TIMMDC1: variants seen among roughly 807,000 people sequenced by gnomAD.
The protein encoded by TIMMDC1 is translocase of inner mitochondrial membrane domain containing 1.
In TIMMDC1, 25 loss-of-function variants were observed where a neutral mutation model predicts 32.6. The ratio of observed to expected loss-of-function variants is 0.77; its 90% CI spans 0.56 to 1.07. The LOEUF is 1.07. Ranked by LOEUF, TIMMDC1 falls within the 50% of genes least tolerant of loss-of-function variation. TIMMDC1 has a pLI of 0.00. For missense variants in TIMMDC1, 329 were observed against 349.2 expected (o/e 0.94, Z 0.46); for synonymous variants, 130 against 127.6 (o/e 1.02, Z -0.13).
chr3:119,499,165 C>T (rs1257803432), intron 1 of TIMMDC1, among the ~76,000 whole-genome samples: 2 of 146,774 alleles, frequency 1.4e-5, no homozygotes, highest in African/African-American at 5.0e-5. Flanking sequence ...GCTATCTCGG[C>T]TCACTGCAAC....
intron 6 of TIMMDC1, among the ~76,000 whole-genome samples, chr3:119,522,831 TGTGTGA>T (rs986578302): frequency 2.8e-5 from 4 of 141,216 alleles, no homozygotes; most frequent in Non-Finnish European, 4.6e-5. Flanking sequence ...TGTGTGTGTG[TGTGTGA>T]GATATTTCTA....
chr3:119,522,103 C>T (rs35488908), intron 6 of TIMMDC1, among the ~76,000 whole-genome samples: 22,249 of 152,088 alleles, frequency 0.15, 2,040 homozygotes, highest in Non-Finnish European at 0.2. Context: ...GAGTTATCTG[C>T]GCCCCCATGC....
rs1267509552 is a variant in TIMMDC1, at chr3:119,503,963, C to T, written c.459C>T (p.Asn153=). 6.2e-7 allele frequency: 1 copy of T among 1,613,162 alleles called. No homozygotes were observed. The highest frequency in any genetic ancestry group is 1.3e-5 in the African/African-American group (1 of 74,888). ...AVFVTIFNTV[N]TSLNVYRNKD... ...CCTCCCTTTTTACCAGCACAGTGAACACTAGTCTGAATGTATACCGAAATA... is the reference window on the plus strand; with the variant it reads ...CCTCCCTTTTTACCAGCACAGTGAATACTAGTCTGAATGTATACCGAAATA... Residue 153 remains asparagine, a synonymous_variant, in exon 4 of 7, where the codon AAC becomes AAT. Transcript: ENST00000494664.
intron 4 of TIMMDC1, among the ~76,000 whole-genome samples, chr3:119,505,370 T>C (rs2081911339): frequency 1.4e-5 from 2 of 146,362 alleles, no homozygotes; most frequent in South Asian, 2.1e-4. Flanking sequence ...TTTGTTTTTG[T>C]TTTTTTTTTT....
At chr3:119,513,002 A>G (rs528260895) in intron 4 of TIMMDC1, among the ~76,000 whole-genome samples, 1 of 152,310 alleles carries the variant, frequency 6.6e-6, no homozygotes, top group Non-Finnish European at 1.5e-5. Flanking sequence ...TGGCCTCCCA[A>G]AGTGTTGGGA....
Position 119,503,968 on chromosome 3 carries a change from G to C in TIMMDC1, c.464G>C (p.Ser155Thr). ...FVTIFNTVNT[S>T]LNVYRNKDAL... is the part of the protein sequence containing the mutation. ...CTTTTTACCAGCACAGTGAACACTAGTCTGAATGTATACCGAAATAAAGAT... is the reference window on the plus strand; with the variant it reads ...CTTTTTACCAGCACAGTGAACACTACTCTGAATGTATACCGAAATAAAGAT... The change falls in exon 4 of 7, where the codon AGT (serine) becomes ACT (threonine). Residue 155 changes from serine to threonine, a missense_variant. Ser to Thr is a moderately conservative substitution (Grantham distance 58, BLOSUM62 1). Transcript: ENST00000494664. 2 of 1,613,494 alleles carry C rather than the reference G, an allele frequency of 1.2e-6. No individual in the cohort carries two copies. The highest frequency in any genetic ancestry group is 2.2e-5 in the South Asian group (2 of 91,066).
rs565697339 is a variant in TIMMDC1, at chr3:119,523,975, T to C, written c.*219T>C. 8 of 402,118 alleles carry C rather than the reference T, an allele frequency of 2.0e-5. No homozygotes were observed. The South Asian group carries it at 2.1e-4, about 10-fold the overall frequency. The allele number at this position is 402,118 out of a possible 1,614,324, so 24.9% of individuals were successfully genotyped here. A position where few individuals can be genotyped will look rare whatever the true frequency, so the allele number is the denominator to read the frequency against. On this transcript the variant is annotated 3_prime_UTR_variant, in exon 7 of 7. Coordinates refer to ENST00000494664, the MANE Select transcript of TIMMDC1 (RefSeq NM_016589.4). ...ATCCTTAAATTTAAATACATACTTA[T>C]GTTTGTATTAATCTATCAATATATG...
intron 4 of TIMMDC1, among the ~76,000 whole-genome samples, chr3:119,505,059 C>T (rs905720872): frequency 7.7e-6 from 1 of 129,154 alleles, no homozygotes. Context: ...ACCTGGGCAA[C>T]AAGAGTGAAA....
In TIMMDC1 at chr3:119,498,664, C is replaced by G. The variant is rs954756135; in HGVS notation, c.-70C>G. The G allele has an allele frequency of 4.7e-6, 7 of 1,498,004 alleles. No individual in the cohort carries two copies. The African/African-American group carries it at 5.5e-5, about 12-fold the overall frequency. The allele number at this position is 1,498,004 out of a possible 1,614,324, so 92.8% of individuals were successfully genotyped here. ...GATTCTCACCTCGTACAGTTACGCTCTCCCGCGGCACGTCCGCGAGGACTT... is the reference window on the plus strand; with the variant it reads ...GATTCTCACCTCGTACAGTTACGCTGTCCCGCGGCACGTCCGCGAGGACTT... On this transcript the variant is annotated 5_prime_UTR_variant, in exon 1 of 7. Transcript: ENST00000494664.
chr3:119,512,016 C>A (rs1346825582), intron 4 of TIMMDC1, among the ~76,000 whole-genome samples: 1 of 152,122 alleles, frequency 6.6e-6, no homozygotes, highest in Non-Finnish European at 1.5e-5. Context: ...TATACTTATA[C>A]CTTTTGGCCC....
intron 4 of TIMMDC1, among the ~76,000 whole-genome samples, chr3:119,507,303 GTGTT>G (rs748852694): frequency 2.6e-5 from 4 of 152,036 alleles, no homozygotes; most frequent in Non-Finnish European, 2.9e-5. Context: ...ATTTTATTCT[GTGTT>G]TGTTTGTTTG....
chr3:119,507,227 TTTCTC>T (rs2081924046), intron 4 of TIMMDC1, among the ~76,000 whole-genome samples: 1 of 152,226 alleles, frequency 6.6e-6, no homozygotes. Context: ...TTTCTTTAGC[TTTCTC>T]TTCTCCTTCT....
intron 1 of TIMMDC1, among the ~76,000 whole-genome samples, chr3:119,499,750 AACTTAAT>A (rs1465262855): frequency 2.0e-5 from 3 of 152,324 alleles, no homozygotes; most frequent in South Asian, 2.1e-4. Context: ...ATTTTATAGT[AACTTAAT>A]ACTTAAGACA....
intron 4 of TIMMDC1, among the ~76,000 whole-genome samples, chr3:119,509,978 C>T (rs932980332): frequency 1.3e-5 from 2 of 152,070 alleles, no homozygotes; most frequent in African/African-American, 2.4e-5. Context: ...ACCACCGTGC[C>T]GGGCCACTAG....
At position 119,501,153 on chromosome 3, in the gene TIMMDC1, A is replaced by G. The variant is rs530775754; in HGVS notation, c.360+293A>G. On this transcript the variant is annotated intron_variant, in intron 2 of 6. Coordinates refer to ENST00000494664, the MANE Select transcript of TIMMDC1 (RefSeq NM_016589.4). ...TAAATCGTCAAGGCTCAGCTGTAACATATTTACCTCATTCACAAAGCCTCC... is the reference window on the plus strand; with the variant it reads ...TAAATCGTCAAGGCTCAGCTGTAACGTATTTACCTCATTCACAAAGCCTCC... Among the ~76,000 whole-genome samples the G allele has an allele frequency of 2.5e-4, 38 of 152,334 alleles. No individual in the cohort carries two copies. In the South Asian group the frequency reaches 7.7e-3, roughly 31 times the overall value.
intron 2 of TIMMDC1, 135 bp downstream of exon 2, chr3:119,500,995 A>G (rs769076561): frequency 1.0e-4 from 82 of 804,656 alleles, no homozygotes; most frequent in Non-Finnish European, 1.4e-4. Flanking sequence ...TCTGTACTTA[A>G]TAACAGTGGA....
chr3:119,499,642 C>T (rs1252563050), intron 1 of TIMMDC1, among the ~76,000 whole-genome samples: 1 of 150,080 alleles, frequency 6.7e-6, no homozygotes, highest in East Asian at 2.0e-4. Context: ...TCTGGAACTC[C>T]TGACCTCACG....
intron 3 of TIMMDC1, 71 bp from the exon 4 acceptor site, chr3:119,503,883 A>C: frequency 7.4e-7 from 1 of 1,347,188 alleles, no homozygotes; most frequent in Non-Finnish European, 1.1e-6. Context: ...AAGTCAGTGA[A>C]AATAACACTC....
intron 1 of TIMMDC1, 148 bp from the exon 2 acceptor site, chr3:119,500,547 T>C (rs2081865462): frequency 1.2e-5 from 8 of 679,300 alleles, no homozygotes; most frequent in Non-Finnish European, 1.4e-5. Flanking sequence ...CCTTTTAATA[T>C]AACTGAACTG....
Sources: gnomAD v4.1 joint callset for allele counts (sites outside exome capture counted in the v4.1 genomes callset) on GRCh38, gnomAD v4.1.1 for gene constraint, MANE v1.5 for transcripts, NCBI Gene and HGNC (gene_info 2026-07-23, HGNC 2026-07-21) for gene names.